The following LEPR variants were observed in gnomAD, a reference collection of about 807,000 sequenced individuals.
LEPR encodes leptin receptor, also known as OB receptor.
In LEPR, 56 loss-of-function variants were observed where a neutral mutation model predicts 114.7. That is an observed-to-expected ratio of 0.49 (90% CI 0.39 to 0.61). The LOEUF is 0.61. Ranked by LOEUF, LEPR falls within the 20% of genes least tolerant of loss-of-function variation. The probability of loss-of-function intolerance (pLI) is 0.00; values close to 1 mark genes in which losing one functional copy is unlikely to be tolerated. For synonymous variants in LEPR, 443 were observed against 461.4 expected (o/e 0.96, Z 0.51); for missense variants, 1,202 against 1,352.9 (o/e 0.89, Z 1.75).
chr1:65,430,795 G>GGT (rs1388142588), intron 2 of LEPR, among the ~76,000 whole-genome samples: 1 of 151,684 alleles, frequency 6.6e-6, no homozygotes, highest in African/African-American at 2.4e-5. Flanking sequence ...TAGCTTGCTG[G>GGT]GTAAGTATAC....
At chr1:65,449,611 G>C (rs1646755769) in intron 2 of LEPR, among the ~76,000 whole-genome samples, 1 of 152,018 alleles carries the variant, frequency 6.6e-6, no homozygotes, top group Non-Finnish European at 1.5e-5. Context: ...CTGTGCCAGA[G>C]CCAAAGCTGG....
chr1:65,495,521 C>G (rs1223591059), intron 2 of LEPR, among the ~76,000 whole-genome samples: 1 of 152,090 alleles, frequency 6.6e-6, no homozygotes, highest in Non-Finnish European at 1.5e-5. Flanking sequence ...CTGGAACTAT[C>G]ATATGATCCA....
chr1:65,598,630 G>T (rs1165948473), intron 7 of LEPR, 30 bp from the exon 8 acceptor site: 1 of 1,611,208 alleles, frequency 6.2e-7, no homozygotes, highest in East Asian at 2.2e-5. Context: ...TCAACTTGAT[G>T]TTCTGATGTT....
At chr1:65,427,118 C>T (rs1487717615) in intron 2 of LEPR, among the ~76,000 whole-genome samples, 1 of 152,080 alleles carries the variant, frequency 6.6e-6, no homozygotes, top group Non-Finnish European at 1.5e-5. Context: ...TTGTTTAAAC[C>T]CAAGAGGGAT....
intron 2 of LEPR, chr1:65,430,033 T>G (rs887362498): frequency 2.6e-6 from 4 of 1,560,002 alleles, no homozygotes; most frequent in Non-Finnish European, 3.5e-6. Flanking sequence ...CTGTTATTCT[T>G]GCTCGTGTGG....
intron 2 of LEPR, among the ~76,000 whole-genome samples, chr1:65,556,193 C>T (rs1652804548): frequency 6.6e-6 from 1 of 152,100 alleles, no homozygotes; most frequent in African/African-American, 2.4e-5. Context: ...AGAAGTAGTC[C>T]TTCACCAGAG....
chr1:65,433,521 A>G, intron 2 of LEPR: 1 of 985,436 alleles, frequency 1.0e-6, no homozygotes, highest in Non-Finnish European at 1.2e-6. Context: ...AAATACATTC[A>G]AAACACTTAA....
At chr1:65,527,472 G>C (rs528460614) in intron 2 of LEPR, among the ~76,000 whole-genome samples, 9 of 152,202 alleles carry the variant, frequency 5.9e-5, no homozygotes, top group Non-Finnish European at 1.3e-4. Flanking sequence ...ATGTCGGGTT[G>C]TTTTAGCAGA....
chr1:65,487,873 TTTTCTTTC>T (rs369046233), intron 2 of LEPR, among the ~76,000 whole-genome samples: 1 of 151,756 alleles, frequency 6.6e-6, no homozygotes, highest in Non-Finnish European at 1.5e-5. Context: ...ATTCCACTCT[TTTTCTTTC>T]TTTCTTTCTT....
intron 2 of LEPR, among the ~76,000 whole-genome samples, chr1:65,445,669 G>A (rs1646705237): frequency 6.6e-6 from 1 of 151,438 alleles, no homozygotes; most frequent in African/African-American, 2.4e-5. Context: ...ATCTTTCAAT[G>A]TATTAGCAAT....
chr1:65,424,607 A>G (rs181521419), intron 1 of LEPR, among the ~76,000 whole-genome samples: 1 of 152,340 alleles, frequency 6.6e-6, no homozygotes, highest in East Asian at 1.9e-4. Flanking sequence ...TATAAGAAAT[A>G]TATTTTAGAC....
In LEPR at chr1:65,616,161, A is replaced by G; in HGVS notation, c.2149A>G (p.Ile717Val). 1 of 1,614,172 alleles carries G rather than the reference A, an allele frequency of 6.2e-7. No individual in the cohort carries two copies. The change falls in exon 15 of 20, where the codon ATC becomes GTC. Residue 717 changes from isoleucine (I) to valine (V), a missense_variant. Physicochemically the swap from Ile to Val is conservative, Grantham distance 29 (BLOSUM62 3). Transcript: ENST00000349533. ...AGCACATACTGTTACGGTTCTGGCC[A>G]TCAATTCAATTGGTGCTTCTGTTGC... ...EQAHTVTVLA[I>V]NSIGASVANF... is the part of the protein sequence containing the mutation.
intron 2 of LEPR, among the ~76,000 whole-genome samples, chr1:65,448,784 T>C (rs1218163325): frequency 2.6e-5 from 4 of 152,358 alleles, no homozygotes; most frequent in Admixed American, 2.0e-4. Flanking sequence ...CCATTTCATC[T>C]AGGTTATCAA....
intron 7 of LEPR, among the ~76,000 whole-genome samples, chr1:65,598,055 C>T (rs1231281141): frequency 6.8e-6 from 1 of 147,332 alleles, no homozygotes; most frequent in Non-Finnish European, 1.5e-5. Context: ...TTTTGGGAAG[C>T]TGAATTTTGA....
rs115560239 is a variant in LEPR, at chr1:65,573,230, G to A, written c.494+781G>A. On this transcript the variant is annotated intron_variant, in intron 5 of 19. Coordinates refer to ENST00000349533, the MANE Select transcript of LEPR (RefSeq NM_002303.6). ...GGAGTTATATGCCTGCGCACTACTC[G>A]CTGAGTCATGCAGGCCTGGACATCT... Among the ~76,000 whole-genome samples, 671 of 152,244 alleles carry A rather than the reference G, an allele frequency of 4.4e-3. 9 individuals carry two copies. Among genetic ancestry groups the A allele is most frequent in the African/African-American group, 0.016 (648 of 41,540 alleles).
chr1:65,524,983 C>CA (rs962618645), intron 2 of LEPR, among the ~76,000 whole-genome samples: 1 of 151,910 alleles, frequency 6.6e-6, no homozygotes, highest in Admixed American at 6.6e-5. Flanking sequence ...AGAGTACTTT[C>CA]AAAAAAAATT....
chr1:65,500,730 G>T (rs370094866), intron 2 of LEPR, among the ~76,000 whole-genome samples: 4 of 152,178 alleles, frequency 2.6e-5, no homozygotes, highest in East Asian at 1.9e-4. Flanking sequence ...GTTAACAGTG[G>T]GTAATTAGTA....
At chr1:65,479,553 A>G (rs1347693705) in intron 2 of LEPR, among the ~76,000 whole-genome samples, 5 of 152,198 alleles carry the variant, frequency 3.3e-5, no homozygotes. Context: ...TTCCAGAGAC[A>G]TCTACCTGAC....
chr1:65,624,621 C>T (rs1014070084), intron 19 of LEPR, among the ~76,000 whole-genome samples: 7 of 152,010 alleles, frequency 4.6e-5, no homozygotes, highest in Non-Finnish European at 7.4e-5. Context: ...TATGCAAGAC[C>T]GAAATGAAAG....
Sources: gnomAD v4.1 joint callset for allele counts (sites outside exome capture counted in the v4.1 genomes callset) on GRCh38, gnomAD v4.1.1 for gene constraint, MANE v1.5 for transcripts, NCBI Gene and HGNC (gene_info 2026-07-23, HGNC 2026-07-21) for gene names.